The following NBEA variants were observed in gnomAD, a reference collection of about 807,000 sequenced individuals.
NBEA encodes the protein lysosomal-trafficking regulator 2.
NBEA carries 44 observed loss-of-function variants against 343.4 expected under a neutral mutation model. The ratio of observed to expected loss-of-function variants is 0.13; its 90% CI spans 0.10 to 0.16. The LOEUF is 0.16. Ranked by LOEUF, NBEA falls within the 10% of genes least tolerant of loss-of-function variation. NBEA has a pLI of 1.00. For synonymous variants in NBEA, 1,175 were observed against 1,238.7 expected (o/e 0.95, Z 1.08); for missense variants, 2,555 against 3,631.3 (o/e 0.70, Z 7.62).
chr13:35,600,053 A>G (rs2081979116), intron 47 of NBEA, among the ~76,000 whole-genome samples: 1 of 152,208 alleles, frequency 6.6e-6, no homozygotes, highest in African/African-American at 2.4e-5. Context: ...ACATAGGTTC[A>G]AGTAGCCCTG....
At chr13:35,305,872 T>A (rs535941957) in intron 35 of NBEA, among the ~76,000 whole-genome samples, 1 of 152,332 alleles carries the variant, frequency 6.6e-6, no homozygotes, top group South Asian at 2.1e-4. Flanking sequence ...TGTGTGAAAA[T>A]GTGATTATTC....
chr13:35,206,736 A>G (rs764187386), intron 31 of NBEA, among the ~76,000 whole-genome samples: 8 of 152,068 alleles, frequency 5.3e-5, no homozygotes, highest in African/African-American at 1.2e-4. Context: ...AATCTCCCCA[A>G]TTGTATGCGA....
intron 55 of NBEA, among the ~76,000 whole-genome samples, chr13:35,659,862 G>T (rs1247132826): frequency 5.3e-5 from 8 of 152,198 alleles, no homozygotes. Context: ...ATCCGAAACA[G>T]ACTTTTACAC....
chr13:35,314,503 A>G (rs906665381), intron 36 of NBEA, among the ~76,000 whole-genome samples: 1 of 151,870 alleles, frequency 6.6e-6, no homozygotes, highest in Non-Finnish European at 1.5e-5. Context: ...CAGTACCTCA[A>G]TTTTTCCCTG....
intron 6 of NBEA, among the ~76,000 whole-genome samples, chr13:35,053,058 C>T (rs1288934550): frequency 1.3e-5 from 2 of 152,064 alleles, no homozygotes; most frequent in African/African-American, 2.4e-5. Context: ...GTCTTAGTTC[C>T]GCAGCTTATG....
intron 38 of NBEA, among the ~76,000 whole-genome samples, chr13:35,415,801 T>G (rs1029344286): frequency 2.0e-5 from 3 of 152,156 alleles, no homozygotes; most frequent in African/African-American, 7.2e-5. Flanking sequence ...GGGGATGGCA[T>G]TGAATCTATA....
At chr13:35,310,634 G>A (rs1027992557) in intron 36 of NBEA, among the ~76,000 whole-genome samples, 1 of 152,152 alleles carries the variant, frequency 6.6e-6, no homozygotes, top group Non-Finnish European at 1.5e-5. Flanking sequence ...TAAAACAGAC[G>A]TAGCTGTCAC....
chr13:35,627,688 C>A (rs1324713234), intron 48 of NBEA, among the ~76,000 whole-genome samples: 1 of 151,812 alleles, frequency 6.6e-6, no homozygotes, highest in African/African-American at 2.4e-5. Context: ...TAATTTCAAA[C>A]TAATATTTAA....
chr13:35,454,423 G>T (rs1268990197), intron 40 of NBEA, among the ~76,000 whole-genome samples: 2 of 152,112 alleles, frequency 1.3e-5, no homozygotes, highest in African/African-American at 2.4e-5. Context: ...AGCAATTATT[G>T]TCCAAATCAT....
At chr13:35,151,766 C>G (rs2068805245) in intron 18 of NBEA, among the ~76,000 whole-genome samples, 2 of 152,076 alleles carry the variant, frequency 1.3e-5, no homozygotes, top group South Asian at 4.2e-4. Context: ...TGAAATTACT[C>G]AAAACTATTT....
At chr13:35,489,846 G>A (rs2076440412) in intron 41 of NBEA, among the ~76,000 whole-genome samples, 1 of 151,824 alleles carries the variant, frequency 6.6e-6, no homozygotes, top group Non-Finnish European at 1.5e-5. Flanking sequence ...ATTAATGGAA[G>A]TTTCCTATTT....
chr13:35,230,604 A>G (rs2074914070), intron 33 of NBEA, among the ~76,000 whole-genome samples: 2 of 152,118 alleles, frequency 1.3e-5, no homozygotes, highest in Non-Finnish European at 1.5e-5. Flanking sequence ...TTAGCTGGGA[A>G]GAGCTGTAGG....
chr13:35,448,456 C>T (rs1485924303), intron 39 of NBEA, among the ~76,000 whole-genome samples: 1 of 152,148 alleles, frequency 6.6e-6, no homozygotes, highest in African/African-American at 2.4e-5. Flanking sequence ...AAAGGCAAAT[C>T]ACTGAGATTC....
chr13:35,473,204 A>C (rs2152959439), intron 41 of NBEA, among the ~76,000 whole-genome samples: 1 of 152,296 alleles, frequency 6.6e-6, no homozygotes, highest in Middle Eastern at 3.4e-3. Flanking sequence ...CCAGAGTATT[A>C]GAGTAGCTCT....
At chr13:35,490,365 G>T (rs143018080) in intron 41 of NBEA, among the ~76,000 whole-genome samples, 1 of 151,784 alleles carries the variant, frequency 6.6e-6, no homozygotes, top group Non-Finnish European at 1.5e-5. Context: ...ACCCTTAAGG[G>T]CAAGTACCAC....
At chr13:35,302,034 C>T (rs779864463) in intron 35 of NBEA, among the ~76,000 whole-genome samples, 4 of 152,116 alleles carry the variant, frequency 2.6e-5, no homozygotes, top group East Asian at 1.9e-4. Context: ...CTTGAAGCAG[C>T]GCCTCATGGG....
chr13:35,415,859 T>C (rs1195563276), intron 38 of NBEA, among the ~76,000 whole-genome samples: 3 of 152,306 alleles, frequency 2.0e-5, no homozygotes, highest in East Asian at 1.9e-4. Context: ...ATTCTTCCTA[T>C]CCATGAGCAT....
chr13:35,424,709 G>T (rs1206798906), intron 38 of NBEA, among the ~76,000 whole-genome samples: 10 of 152,174 alleles, frequency 6.6e-5, no homozygotes. Context: ...GATTGGAATA[G>T]TTTCAGAAGG....
intron 17 of NBEA, among the ~76,000 whole-genome samples, chr13:35,137,092 T>C (rs1226257049): frequency 6.6e-6 from 1 of 152,258 alleles, no homozygotes; most frequent in Non-Finnish European, 1.5e-5. Context: ...GTTTAGTTAA[T>C]TATGTAACAC....
Sources: gnomAD v4.1 joint callset for allele counts (sites outside exome capture counted in the v4.1 genomes callset) on GRCh38, gnomAD v4.1.1 for gene constraint, MANE v1.5 for transcripts, NCBI Gene and HGNC (gene_info 2026-07-23, HGNC 2026-07-21) for gene names.